Variants in RANBP17 observed in about 807,000 individuals in gnomAD.
RANBP17 encodes the protein ran-binding protein 17.
RANBP17 carries 158 observed loss-of-function variants against 141.2 expected under a neutral mutation model. The ratio of observed to expected loss-of-function variants is 1.12; its 90% CI spans 0.98 to 1.28. The LOEUF (loss-of-function observed/expected upper bound fraction) is 1.28. Ranked by LOEUF, RANBP17 falls within the 50% of genes most tolerant of loss-of-function variation. The probability of loss-of-function intolerance (pLI) is 0.00; values close to 1 mark genes in which losing one functional copy is unlikely to be tolerated. For missense variants in RANBP17, 1,438 were observed against 1,290.7 expected, an observed-to-expected ratio of 1.11 and a Z score of -1.75; for synonymous variants, 430 against 450.0, an observed-to-expected ratio of 0.96 and a Z score of 0.56.
At chr5:171,104,638 C>A (rs1471263725) in intron 14 of RANBP17, among the ~76,000 whole-genome samples, 1 of 152,160 alleles carries the variant, frequency 6.6e-6, no homozygotes, top group Non-Finnish European at 1.5e-5. Flanking sequence ...AGTAGTTAGA[C>A]AAACTTAGTC....
At chr5:170,867,819 C>G (rs963066921) in intron 1 of RANBP17, among the ~76,000 whole-genome samples, 3 of 152,150 alleles carry the variant, frequency 2.0e-5, no homozygotes, top group Non-Finnish European at 4.4e-5. Context: ...ATGTATACAT[C>G]TGTGAAATTG....
At position 171,096,866 on chromosome 5, in the gene RANBP17, G is replaced by A. The variant is rs775190814; in HGVS notation, c.1711-73264G>A. ...AAAACTCTGTGAAGAAGGGGTGGAG[G>A]GATGTTTCTAAGATCTTAGAGAAAA... On this transcript the variant is annotated intron_variant, in intron 14 of 27. Transcript: ENST00000523189. Among the ~76,000 whole-genome samples, 3 of 151,966 alleles carry A rather than the reference G, an allele frequency of 2.0e-5. No individual in the cohort carries two copies. In the South Asian group the frequency reaches 6.2e-4, roughly 32 times the overall value.
chr5:171,171,088 A>G, intron 15 of RANBP17, 118 bp from the exon 16 acceptor site: 1 of 578,000 alleles, frequency 1.7e-6, no homozygotes, highest in Non-Finnish European at 3.0e-6. Flanking sequence ...CCTGTTTTTC[A>G]CTTTCAAAAT....
intron 11 of RANBP17, among the ~76,000 whole-genome samples, chr5:170,923,407 T>A (rs1006499333): frequency 6.6e-6 from 1 of 152,250 alleles, no homozygotes; most frequent in Non-Finnish European, 1.5e-5. Context: ...TATAATAAGC[T>A]TTGAAATCAG....
At chr5:171,002,380 G>C (rs764504404) in intron 14 of RANBP17, among the ~76,000 whole-genome samples, 4 of 152,130 alleles carry the variant, frequency 2.6e-5, no homozygotes, top group Non-Finnish European at 5.9e-5. Flanking sequence ...ATCAGCATAA[G>C]CGTTGCCCTG....
chr5:171,228,819 T>C (rs1764028947), intron 22 of RANBP17, among the ~76,000 whole-genome samples: 1 of 152,210 alleles, frequency 6.6e-6, no homozygotes, highest in African/African-American at 2.4e-5. Flanking sequence ...TAGCAATTTT[T>C]AGCAATAAAA....
At chr5:171,042,095 A>G (rs879911302) in intron 14 of RANBP17, among the ~76,000 whole-genome samples, 11 of 152,134 alleles carry the variant, frequency 7.2e-5, no homozygotes, top group Admixed American at 3.9e-4. Flanking sequence ...ATGGCTACAT[A>G]GTATTCTATG....
chr5:170,959,178 A>G lies in RANBP17; in HGVS notation c.1574+5476A>G, dbSNP rs372452761. Among the ~76,000 whole-genome samples, 64 of 152,040 alleles carry G rather than the reference A, an allele frequency of 4.2e-4. 1 individual carries two copies. In the South Asian group the frequency reaches 0.012, roughly 30 times the overall value. ...TGTCTCTCATTGCTCTCACCTACCC[A>G]TCTCCCAGTCATCCCTCATTATCAA... On this transcript the variant is annotated intron_variant, in intron 13 of 27. Transcript: ENST00000523189.
intron 14 of RANBP17, among the ~76,000 whole-genome samples, chr5:171,050,817 C>T (rs1782906356): frequency 6.6e-6 from 1 of 152,156 alleles, no homozygotes; most frequent in Admixed American, 6.6e-5. Context: ...AAGAAATTCC[C>T]TTACTTCTTA....
chr5:170,948,217 C>T (rs1326340867), intron 12 of RANBP17, among the ~76,000 whole-genome samples: 2 of 151,898 alleles, frequency 1.3e-5, no homozygotes, highest in African/African-American at 4.8e-5. Context: ...TATATCATAG[C>T]AAAAGAGGAG....
At chr5:170,990,586 A>T (rs573117494) in intron 14 of RANBP17, among the ~76,000 whole-genome samples, 11 of 152,102 alleles carry the variant, frequency 7.2e-5, no homozygotes, top group Middle Eastern at 3.4e-3. Flanking sequence ...CTGGTAAAAA[A>T]ATATACTGTT....
chr5:170,950,805 A>G (rs984222736), intron 12 of RANBP17, among the ~76,000 whole-genome samples: 2 of 152,172 alleles, frequency 1.3e-5, no homozygotes, highest in African/African-American at 4.8e-5. Context: ...CACTGTTCAC[A>G]ATAGCAAAGA....
intron 14 of RANBP17, among the ~76,000 whole-genome samples, chr5:171,114,781 T>G (rs933752004): frequency 6.6e-6 from 1 of 151,040 alleles, no homozygotes; most frequent in Non-Finnish European, 1.5e-5. Flanking sequence ...TTTGCTTAAG[T>G]ACTAGGGACA....
At chr5:170,983,698 A>G (rs1561956913) in intron 14 of RANBP17, among the ~76,000 whole-genome samples, 2 of 152,184 alleles carry the variant, frequency 1.3e-5, no homozygotes, top group African/African-American at 2.4e-5. Context: ...TTTTTAAATC[A>G]TGTATGTGTA....
At position 171,242,723 on chromosome 5, in the gene RANBP17, A is replaced by C; in HGVS notation, c.2679A>C (p.Glu893Asp). ...KLSQSYYPLLECLTQDHMSFI... is the reference protein window; with the variant it reads ...KLSQSYYPLLDCLTQDHMSFI... ...GCCAGTCTTATTATCCACTCCTGGAATGTCTCACTCAGGACCATATGAGCT... is the reference window on the plus strand; with the variant it reads ...GCCAGTCTTATTATCCACTCCTGGACTGTCTCACTCAGGACCATATGAGCT... Residue 893 changes from glutamate to aspartate, a missense_variant, in exon 24 of 28, where the codon GAA becomes GAC. By Grantham distance (45) the Glu-to-Asp change is conservative. Coordinates refer to ENST00000523189, the MANE Select transcript of RANBP17 (RefSeq NM_022897.5). The C allele has an allele frequency of 1.2e-6, 2 of 1,613,788 alleles. No homozygotes were observed. Among genetic ancestry groups the C allele is most frequent in the Admixed American group, 3.3e-5 (2 of 60,008 alleles).
intron 19 of RANBP17, among the ~76,000 whole-genome samples, chr5:171,203,010 A>C (rs1762385949): frequency 6.6e-6 from 1 of 152,090 alleles, no homozygotes; most frequent in Admixed American, 6.6e-5. Flanking sequence ...CTTGGCACAC[A>C]GACAACTGTT....
At chr5:171,162,825 A>C (rs990974681) in intron 14 of RANBP17, among the ~76,000 whole-genome samples, 2 of 152,072 alleles carry the variant, frequency 1.3e-5, no homozygotes, top group African/African-American at 4.8e-5. Context: ...CAGCCTGCTG[A>C]GTTCATGCTT....
At chr5:171,107,718 A>G (rs1226613633) in intron 14 of RANBP17, among the ~76,000 whole-genome samples, 1 of 152,228 alleles carries the variant, frequency 6.6e-6, no homozygotes, top group East Asian at 1.9e-4. Flanking sequence ...TATATTTATT[A>G]GAATGAAAAG....
At chr5:171,235,968 T>A (rs1347934379) in intron 22 of RANBP17, among the ~76,000 whole-genome samples, 2 of 152,228 alleles carry the variant, frequency 1.3e-5, no homozygotes, top group South Asian at 4.1e-4. Context: ...TTCCCAACAA[T>A]TTTTTATTTT....
Sources: allele counts gnomAD v4.1 joint callset (sites outside exome capture counted in the v4.1 genomes callset), GRCh38; gene constraint gnomAD v4.1.1; transcripts MANE v1.5; gene names NCBI Gene and HGNC (gene_info 2026-07-23, HGNC 2026-07-21).